Variants in ASMTL observed in about 807,000 individuals in gnomAD.
ASMTL encodes the protein probable bifunctional dTTP/UTP pyrophosphatase/methyltransferase protein.
ASMTL carries 57 observed loss-of-function variants against 60.3 expected under a neutral mutation model. That is an observed-to-expected ratio of 0.95 (90% CI 0.76 to 1.18). ASMTL has a LOEUF of 1.18. Ranked by LOEUF, ASMTL falls within the 50% of genes most tolerant of loss-of-function variation. ASMTL has a pLI of 0.00. For synonymous variants in ASMTL, 419 were observed against 373.0 expected (o/e 1.12, Z -1.42); for missense variants, 981 against 852.6 (o/e 1.15, Z -1.88).
intron 1 of ASMTL, among the ~76,000 whole-genome samples, chrX:1,443,107 TCGTCGTGGACACACACCGC>T (rs1278815601): frequency 3.0e-5 from 2 of 67,162 alleles, no homozygotes; most frequent in African/African-American, 7.6e-5. Flanking sequence ...ACACACACCG[TCGTCGTGGACACACACCGC>T]CGTCGTGGAC....
intron 6 of ASMTL, among the ~76,000 whole-genome samples, chrX:1,429,924 A>C (rs2090723151): frequency 6.6e-6 from 1 of 152,104 alleles, no homozygotes; most frequent in African/African-American, 2.4e-5. Context: ...AAGACTTCAG[A>C]TGTAGTGTGC....
chrX:1,446,231 A>C (rs1352868435), intron 1 of ASMTL, among the ~76,000 whole-genome samples: 2 of 152,066 alleles, frequency 1.3e-5, no homozygotes, highest in East Asian at 3.9e-4. Context: ...CCCCCTGTCC[A>C]GTGGACACGT....
intron 9 of ASMTL, among the ~76,000 whole-genome samples, chrX:1,420,420 C>G (rs1287295105): frequency 1.3e-5 from 2 of 152,182 alleles, no homozygotes; most frequent in African/African-American, 2.4e-5. Flanking sequence ...TCCCCAACAT[C>G]TGCAGGAAGC....
intron 5 of ASMTL, 115 bp downstream of exon 5, chrX:1,434,907 C>G: frequency 9.1e-7 from 1 of 1,100,806 alleles, no homozygotes; most frequent in East Asian, 2.4e-5. Flanking sequence ...AGGCACAAAC[C>G]CCTCCACAGG....
At chrX:1,421,545 G>A in intron 9 of ASMTL, 113 bp downstream of exon 9, 1 of 1,186,318 alleles carries the variant, frequency 8.4e-7, no homozygotes, top group Non-Finnish European at 1.2e-6. Flanking sequence ...CCAAGCCTTT[G>A]GGATCTGTCA....
At chrX:1,432,204 CCACGTGTGAGGGTGGCCAGGCTTCCA>C (rs1382632799) in intron 6 of ASMTL, 39 bp downstream of exon 6, 1 of 1,343,512 alleles carries the variant, frequency 7.4e-7, no homozygotes, top group Non-Finnish European at 1.0e-6. Flanking sequence ...GTGGGACACC[CCACGTGTGAGGGTGGCCAGGCTTCCA>C]CACGTGTCCC....
chrX:1,439,418 G>A (rs1447008289), intron 2 of ASMTL, among the ~76,000 whole-genome samples: 3 of 152,230 alleles, frequency 2.0e-5, no homozygotes, highest in African/African-American at 7.2e-5. Flanking sequence ...GGCACTACGG[G>A]AAACGCAATG....
At chrX:1,452,023 A>C in intron 1 of ASMTL, among the ~76,000 whole-genome samples, 1 of 104,798 alleles carries the variant, frequency 9.5e-6, no homozygotes, top group African/African-American at 4.0e-5. Context: ...TACTCTCTCC[A>C]ACCCCATCCC....
chrX:1,420,204 GTCTCTCCA>G (rs1210095502), intron 9 of ASMTL, among the ~76,000 whole-genome samples: 1 of 150,726 alleles, frequency 6.6e-6, no homozygotes, highest in African/African-American at 2.4e-5. Context: ...AAGTCTCCCT[GTCTCTCCA>G]TCTCTCTCCC....
rs781204345 is a variant in ASMTL, at chrX:1,452,823, C to T, written c.18G>A (p.Val6=). Residue 6 remains valine, a synonymous_variant, in exon 1 of 13, where the codon GTG becomes GTA. Coordinates refer to ENST00000381317, the MANE Select transcript of ASMTL (RefSeq NM_004192.4). MVLCP[V]IGKLLHKRVV... is the part of the protein sequence containing the mutation. ...CGCGCTTGTGCAGCAGCTTCCCAATCACCGGGCACAGCACCATGGCGTCCA... is the reference window on the plus strand; with the variant it reads ...CGCGCTTGTGCAGCAGCTTCCCAATTACCGGGCACAGCACCATGGCGTCCA... 1.9e-6 allele frequency: 3 copies of T among 1,593,684 alleles called. No homozygotes were observed. The African/African-American group carries it at 4.0e-5, about 21-fold the overall frequency.
At chrX:1,439,184 G>C in intron 2 of ASMTL, 40 bp from the exon 3 acceptor site, 1 of 1,608,152 alleles carries the variant, frequency 6.2e-7, no homozygotes, top group Non-Finnish European at 8.5e-7. Flanking sequence ...GTGACGTGCC[G>C]TGGGTCTCAC....
At chrX:1,449,238 C>A (rs1452012856) in intron 1 of ASMTL, among the ~76,000 whole-genome samples, 3 of 152,032 alleles carry the variant, frequency 2.0e-5, no homozygotes, top group African/African-American at 7.3e-5. Context: ...TGTGAAGCTG[C>A]TTTTCTTTTT....
At chrX:1,419,272 CT>C (rs2090408174) in intron 9 of ASMTL, 158 bp from the exon 10 acceptor site, 1 of 325,170 alleles carries the variant, frequency 3.1e-6, no homozygotes, top group Non-Finnish European at 4.4e-6. Context: ...GCTGTGTGGG[CT>C]ACTCTTGTCT....
At chrX:1,439,603 C>G (rs1343420858) in intron 2 of ASMTL, among the ~76,000 whole-genome samples, 1 of 152,078 alleles carries the variant, frequency 6.6e-6, no homozygotes, top group African/African-American at 2.4e-5. Context: ...TCCCAGCACT[C>G]TGGGAGGCCG....
At chrX:1,432,469 C>T (rs2090822938) in intron 5 of ASMTL, 92 bp from the exon 6 acceptor site, 1 of 904,922 alleles carries the variant, frequency 1.1e-6, no homozygotes, top group Admixed American at 2.0e-5. Flanking sequence ...GAGGTGTGTA[C>T]TCGAGCGCAG....
intron 2 of ASMTL, 122 bp from the exon 3 acceptor site, chrX:1,439,266 A>T (rs1442451475): frequency 1.0e-6 from 1 of 979,542 alleles, no homozygotes; most frequent in African/African-American, 1.6e-5. Flanking sequence ...TTTGGAAGTG[A>T]AGGCTGGGGG....
chrX:1,418,371 G>A (rs760171282), intron 10 of ASMTL, among the ~76,000 whole-genome samples: 201 of 151,264 alleles, frequency 1.3e-3, no homozygotes, highest in African/African-American at 4.1e-3. Context: ...CCTTCCTGCC[G>A]TGGGGATGTA....
chrX:1,432,242 C>T lies in ASMTL; in HGVS notation c.509+27G>A, dbSNP rs776081238. 2.2e-5 allele frequency: 34 copies of T among 1,562,808 alleles called. No individual in the cohort carries two copies. In the African/African-American group the frequency reaches 2.7e-4, roughly 12 times the overall value. On this transcript the variant is annotated intron_variant, in intron 6 of 12. Transcript: ENST00000381317. ...TGGCCAGGCTTCCACACGTGTCCCCCGTCCCCCCACCGCCCCCGAGACTCA... is the reference window on the plus strand; with the variant it reads ...TGGCCAGGCTTCCACACGTGTCCCCTGTCCCCCCACCGCCCCCGAGACTCA...
At chrX:1,431,068 A>G (rs1163269630) in intron 6 of ASMTL, among the ~76,000 whole-genome samples, 4 of 129,596 alleles carry the variant, frequency 3.1e-5, no homozygotes, top group Non-Finnish European at 4.6e-5. Context: ...CATATTATCC[A>G]TATATTCATA....
Sources: allele counts gnomAD v4.1 joint callset (sites outside exome capture counted in the v4.1 genomes callset), GRCh38; gene constraint gnomAD v4.1.1; transcripts MANE v1.5; gene names NCBI Gene and HGNC (gene_info 2026-07-23, HGNC 2026-07-21).